The following NTN4 variants were observed in gnomAD, a reference collection of about 807,000 sequenced individuals.
NTN4 encodes netrin 4.
Under a neutral mutation model 73.6 loss-of-function variants are expected in NTN4, and 32 were observed. The observed-to-expected ratio is 0.44, with a 90% CI of 0.33 to 0.58. The LOEUF (loss-of-function observed/expected upper bound fraction) is 0.58, where lower values mean the gene tolerates loss of function less well. Ranked by LOEUF, NTN4 falls within the 20% of genes least tolerant of loss-of-function variation. The probability of loss-of-function intolerance (pLI) is 0.04; values close to 1 mark genes in which losing one functional copy is unlikely to be tolerated. For synonymous variants in NTN4, 258 were observed against 287.5 expected (o/e 0.90, Z 1.04); for missense variants, 654 against 798.3 (o/e 0.82, Z 2.18).
chr12:95,782,785 T>C, intron 2 of NTN4, among the ~76,000 whole-genome samples: 1 of 152,174 alleles, frequency 6.6e-6, no homozygotes, highest in East Asian at 1.9e-4. Flanking sequence ...GTTCTTTTAA[T>C]AGAGAGTTAA....
At chr12:95,660,414 A>C (rs2078127951) in intron 9 of NTN4, among the ~76,000 whole-genome samples, 1 of 152,130 alleles carries the variant, frequency 6.6e-6, no homozygotes, top group African/African-American at 2.4e-5. Context: ...TATAAAGCCT[A>C]TGTGTTTTTG....
chr12:95,723,286 T>C (rs1020389785), intron 3 of NTN4, among the ~76,000 whole-genome samples: 1 of 128,094 alleles, frequency 7.8e-6, no homozygotes, highest in Non-Finnish European at 1.9e-5. Flanking sequence ...ATCCACTCCC[T>C]GTGCCCACCA....
At chr12:95,675,045 A>G (rs1485815917) in intron 7 of NTN4, among the ~76,000 whole-genome samples, 5 of 152,278 alleles carry the variant, frequency 3.3e-5, no homozygotes, top group Non-Finnish European at 7.3e-5. Context: ...TTAGAAAAAT[A>G]GAAGAACACC....
chr12:95,709,269 G>A (rs986383008), intron 5 of NTN4, among the ~76,000 whole-genome samples: 5 of 152,040 alleles, frequency 3.3e-5, no homozygotes, highest in South Asian at 2.1e-4. Flanking sequence ...GTAGGGAAAG[G>A]AAGGGCATGA....
chr12:95,752,603 T>G (rs1349938810), intron 2 of NTN4, among the ~76,000 whole-genome samples: 8 of 152,012 alleles, frequency 5.3e-5, no homozygotes, highest in African/African-American at 1.9e-4. Flanking sequence ...TCGGCATAAT[T>G]CTCATAAAAA....
intron 7 of NTN4, among the ~76,000 whole-genome samples, chr12:95,678,681 A>G (rs2078293133): frequency 1.3e-5 from 2 of 152,218 alleles, no homozygotes; most frequent in African/African-American, 4.8e-5. Flanking sequence ...TTATTTGTCA[A>G]TAATATGATG....
chr12:95,716,771 G>GT (rs1034753089), intron 3 of NTN4, among the ~76,000 whole-genome samples: 2 of 151,842 alleles, frequency 1.3e-5, no homozygotes, highest in Non-Finnish European at 2.9e-5. Context: ...TTCTTATGTA[G>GT]TTTTTTTGCA....
At chr12:95,675,684 T>A (rs918099015) in intron 7 of NTN4, among the ~76,000 whole-genome samples, 1 of 152,020 alleles carries the variant, frequency 6.6e-6, no homozygotes, top group Non-Finnish European at 1.5e-5. Context: ...TTAAAAAAAA[T>A]GTAAAGAAAG....
intron 8 of NTN4, among the ~76,000 whole-genome samples, chr12:95,667,470 G>A (rs1170169468): frequency 6.6e-6 from 1 of 152,044 alleles, no homozygotes; most frequent in Admixed American, 6.6e-5. Flanking sequence ...TGCGAATACA[G>A]CGTCAGACAG....
chr12:95,687,602 T>C (rs953460391), intron 5 of NTN4, among the ~76,000 whole-genome samples: 6 of 152,048 alleles, frequency 3.9e-5, no homozygotes, highest in African/African-American at 1.2e-4. Context: ...AGTTTCACCA[T>C]GTTGGCCAGG....
chr12:95,725,065 C>G (rs186355254), intron 3 of NTN4, among the ~76,000 whole-genome samples: 5 of 141,964 alleles, frequency 3.5e-5, no homozygotes, highest in Non-Finnish European at 1.5e-5. Flanking sequence ...AATAGAATCT[C>G]TTGGAGGGAA....
Position 95,737,976 on chromosome 12 carries a change from C to T in NTN4, c.754G>A (p.Ala252Thr). ...NEEPQHFTHY[A>T]IYDFIVKGSC... ...CCCTTGACAATGAAATCATAGATTG[C>T]ATAGTGTGTAAAATGTTGAGGCTCT... The change falls in exon 3 of 10, where the codon GCA (alanine) becomes ACA (threonine). Residue 252 changes from alanine to threonine, a missense_variant. Ala to Thr is a moderately conservative substitution (Grantham distance 58). Coordinates refer to ENST00000343702, the MANE Select transcript of NTN4 (RefSeq NM_021229.4). 6.2e-7 allele frequency: 1 copy of T among 1,614,020 alleles called. No homozygotes were observed. Among genetic ancestry groups the T allele is most frequent in the Non-Finnish European group, 8.5e-7 (1 of 1,179,998 alleles).
At chr12:95,732,506 C>T (rs1424185194) in intron 3 of NTN4, among the ~76,000 whole-genome samples, 4 of 149,718 alleles carry the variant, frequency 2.7e-5, no homozygotes, top group Non-Finnish European at 5.9e-5. Flanking sequence ...TGCGTCCAAG[C>T]GATTCTTCGG....
chr12:95,753,162 C>A (rs1203538774), intron 2 of NTN4, among the ~76,000 whole-genome samples: 1 of 152,224 alleles, frequency 6.6e-6, no homozygotes, highest in Admixed American at 6.5e-5. Context: ...TTCCACCAGG[C>A]CTAATTGCCA....
chr12:95,778,533 C>A (rs955589797), intron 2 of NTN4, among the ~76,000 whole-genome samples: 1 of 152,182 alleles, frequency 6.6e-6, no homozygotes, highest in African/African-American at 2.4e-5. Flanking sequence ...ACTATAAACA[C>A]CTCTACGGAA....
chr12:95,662,232 TTTC>T (rs1397446427), intron 9 of NTN4, among the ~76,000 whole-genome samples: 2 of 41,550 alleles, frequency 4.8e-5, no homozygotes, highest in African/African-American at 2.0e-4. Context: ...TTCCTTTTTC[TTTC>T]TTTTTTTTTT....
At chr12:95,748,564 C>T (rs976692961) in intron 2 of NTN4, among the ~76,000 whole-genome samples, 2 of 150,018 alleles carry the variant, frequency 1.3e-5, no homozygotes, top group South Asian at 2.1e-4. Flanking sequence ...TGCAACCTCC[C>T]GGTTCAAGTG....
chr12:95,742,647 C>T (rs2078835143), intron 2 of NTN4, among the ~76,000 whole-genome samples: 1 of 152,204 alleles, frequency 6.6e-6, no homozygotes, highest in Non-Finnish European at 1.5e-5. Context: ...GTCCTGTGGA[C>T]TCCCTTGGAA....
chr12:95,716,074 A>G (rs928783205), intron 3 of NTN4, among the ~76,000 whole-genome samples: 1 of 120,680 alleles, frequency 8.3e-6, no homozygotes, highest in African/African-American at 2.8e-5. Context: ...TCTAAATCCT[A>G]CATGTCAAAA....
Sources: gnomAD v4.1 joint callset for allele counts (sites outside exome capture counted in the v4.1 genomes callset) on GRCh38, gnomAD v4.1.1 for gene constraint, MANE v1.5 for transcripts, NCBI Gene and HGNC (gene_info 2026-07-23, HGNC 2026-07-21) for gene names.